SGCZ: variants seen among roughly 807,000 people sequenced by gnomAD.
The protein encoded by SGCZ is sarcoglycan zeta.
SGCZ carries 40 observed loss-of-function variants against 41.3 expected under a neutral mutation model. That is an observed-to-expected ratio of 0.97 (90% confidence interval 0.75 to 1.26). The LOEUF (loss-of-function observed/expected upper bound fraction) is 1.26. Ranked by LOEUF, SGCZ falls within the 50% of genes most tolerant of loss-of-function variation. The pLI is 0.00. For missense variants in SGCZ, 552 were observed against 369.8 expected, an observed-to-expected ratio of 1.49 and a Z score of -4.04; for synonymous variants, 206 against 137.5, an observed-to-expected ratio of 1.50 and a Z score of -3.49.
At chr8:14,109,275 C>A (rs149062829) in intron 5 of SGCZ, among the ~76,000 whole-genome samples, 1 of 152,266 alleles carries the variant, frequency 6.6e-6, no homozygotes, top group East Asian at 1.9e-4. Context: ...CTTTCATTTA[C>A]TGAATCCATT....
At chr8:14,931,836 T>C (rs749281646) in intron 1 of SGCZ, among the ~76,000 whole-genome samples, 1 of 151,974 alleles carries the variant, frequency 6.6e-6, no homozygotes, top group Non-Finnish European at 1.5e-5. Context: ...TTATTAAACT[T>C]TTTGTTTCTT....
rs549366713 is a variant in SGCZ, at chr8:15,233,700, T to G, written c.39+3885A>C. ...ATCCTTATTGAAAAGTTGTTTTATG[T>G]GTCTCAAGATTAACTATGTAGTTTG... On this transcript the variant is annotated intron_variant, in intron 1 of 7. Transcript: ENST00000382080. Among the ~76,000 whole-genome samples, 3 of 151,998 alleles carry G rather than the reference T, an allele frequency of 2.0e-5. No homozygotes were observed. The East Asian group carries it at 5.8e-4, about 29-fold the overall frequency.
At chr8:14,581,058 G>C (rs1401885880) in intron 1 of SGCZ, among the ~76,000 whole-genome samples, 2 of 152,106 alleles carry the variant, frequency 1.3e-5, no homozygotes, top group African/African-American at 4.8e-5. Context: ...ATAGTAAAAT[G>C]CTAAGCCTAA....
chr8:14,373,105 A>G (rs1184283937), intron 2 of SGCZ, among the ~76,000 whole-genome samples: 3 of 152,176 alleles, frequency 2.0e-5, no homozygotes, highest in Non-Finnish European at 2.9e-5. Context: ...AAATGAGGCT[A>G]GGAAAAGGAT....
chr8:14,292,819 A>C (rs1173771143), intron 3 of SGCZ, among the ~76,000 whole-genome samples: 1 of 145,226 alleles, frequency 6.9e-6, no homozygotes, highest in Non-Finnish European at 1.5e-5. Flanking sequence ...AAAAGTAAAT[A>C]AACAATGCAT....
At chr8:14,096,956 A>T (rs749335501) in intron 7 of SGCZ, among the ~76,000 whole-genome samples, 1 of 152,030 alleles carries the variant, frequency 6.6e-6, no homozygotes, top group South Asian at 2.1e-4. Flanking sequence ...TATCCCCTTC[A>T]TCATTTTTTA....
At chr8:14,863,652 T>C (rs978748348) in intron 1 of SGCZ, among the ~76,000 whole-genome samples, 3 of 152,298 alleles carry the variant, frequency 2.0e-5, no homozygotes, top group Admixed American at 6.5e-5. Context: ...TTTTGTTCTG[T>C]TTTCTGTTGA....
At chr8:14,541,852 TG>T (rs1803479263) in intron 2 of SGCZ, among the ~76,000 whole-genome samples, 1 of 152,298 alleles carries the variant, frequency 6.6e-6, no homozygotes, top group East Asian at 1.9e-4. Context: ...TATCTCATTG[TG>T]GTTTTGATTT....
intron 2 of SGCZ, among the ~76,000 whole-genome samples, chr8:14,369,741 T>C (rs1803844751): frequency 6.6e-6 from 1 of 152,006 alleles, no homozygotes; most frequent in Non-Finnish European, 1.5e-5. Flanking sequence ...CTGCATTTAC[T>C]TCTTGCTATT....
chr8:14,760,136 A>G (rs1242235923), intron 1 of SGCZ, among the ~76,000 whole-genome samples: 1 of 152,188 alleles, frequency 6.6e-6, no homozygotes, highest in East Asian at 1.9e-4. Flanking sequence ...TCAACATTTC[A>G]TACTTAATTA....
intron 4 of SGCZ, among the ~76,000 whole-genome samples, chr8:14,181,705 T>A (rs138294998): frequency 6.6e-6 from 1 of 152,324 alleles, no homozygotes; most frequent in African/African-American, 2.4e-5. Context: ...CGCTCTTGCC[T>A]GCTGCTATGT....
chr8:14,543,093 G>C (rs1360507484), intron 2 of SGCZ, among the ~76,000 whole-genome samples: 1 of 151,538 alleles, frequency 6.6e-6, no homozygotes, highest in African/African-American at 2.4e-5. Flanking sequence ...ATTTTATTTA[G>C]GAACATTGGC....
intron 1 of SGCZ, among the ~76,000 whole-genome samples, chr8:15,088,641 G>A (rs1343703566): frequency 1.3e-5 from 2 of 151,446 alleles, no homozygotes; most frequent in Non-Finnish European, 2.9e-5. Context: ...AAAAAGAATA[G>A]AGCCCAGATG....
rs1806812762 is a variant in SGCZ, at chr8:14,237,598, T to A, written c.418A>T (p.Thr140Ser). The A allele has an allele frequency of 5.6e-6, 9 of 1,613,768 alleles. No homozygotes were observed. Among genetic ancestry groups the A allele is most frequent in the Non-Finnish European group, 7.6e-6 (9 of 1,179,756 alleles). Residue 140 changes from threonine (T) to serine (S), a missense_variant, in exon 4 of 8, where the codon ACC becomes TCC. Physicochemically the swap from Thr to Ser is moderately conservative, Grantham distance 58 (BLOSUM62 1). Coordinates refer to ENST00000382080, the MANE Select transcript of SGCZ (RefSeq NM_139167.4). ...TTTACCCCAAAACACTCACCTATGG[T>A]CAGCTGTCCGGTTAACTGCCCCATG... ...NHMGQLTGQL[T>S]IGADAVEAQC...
At chr8:15,209,643 A>C (rs2117155840) in intron 1 of SGCZ, among the ~76,000 whole-genome samples, 1 of 152,308 alleles carries the variant, frequency 6.6e-6, no homozygotes, top group Admixed American at 6.5e-5. Flanking sequence ...GAAGTTTAAA[A>C]GATCTAATTA....
At chr8:15,212,228 T>G (rs1279829962) in intron 1 of SGCZ, among the ~76,000 whole-genome samples, 4 of 152,152 alleles carry the variant, frequency 2.6e-5, no homozygotes, top group African/African-American at 9.7e-5. Flanking sequence ...TTTGAGTTGT[T>G]CTTATAATGA....
intron 1 of SGCZ, among the ~76,000 whole-genome samples, chr8:15,041,598 T>C (rs900333129): frequency 6.6e-6 from 1 of 152,098 alleles, no homozygotes; most frequent in African/African-American, 2.4e-5. Flanking sequence ...ATTCAGAGTA[T>C]TTGTTGCAGA....
At chr8:14,638,906 T>G (rs781251619) in intron 1 of SGCZ, among the ~76,000 whole-genome samples, 3 of 151,754 alleles carry the variant, frequency 2.0e-5, no homozygotes, top group Non-Finnish European at 4.4e-5. Flanking sequence ...GCTGGTTCAG[T>G]AAAAGAATGA....
chr8:14,992,826 C>A (rs1446146012), intron 1 of SGCZ, among the ~76,000 whole-genome samples: 1 of 148,748 alleles, frequency 6.7e-6, no homozygotes, highest in Non-Finnish European at 1.5e-5. Flanking sequence ...ACCCCTCCCC[C>A]ATCCTCCTCA....
Sources: allele counts gnomAD v4.1 joint callset (sites outside exome capture counted in the v4.1 genomes callset), GRCh38; gene constraint gnomAD v4.1.1; transcripts MANE v1.5; gene names NCBI Gene and HGNC (gene_info 2026-07-23, HGNC 2026-07-21).